The following CBLB variants were observed in gnomAD, a reference collection of about 807,000 sequenced individuals.
The protein encoded by CBLB is E3 ubiquitin-protein ligase CBL-B.
CBLB carries 31 observed loss-of-function variants against 104.9 expected under a neutral mutation model. The ratio of observed to expected loss-of-function variants is 0.30; its 90% confidence interval spans 0.22 to 0.40. The LOEUF is 0.40. Among genes scored for constraint, CBLB ranks in the 10% least tolerant of loss-of-function variants. CBLB has a pLI of 1.00. For synonymous variants in CBLB, 440 were observed against 422.6 expected (o/e 1.04, Z -0.51); for missense variants, 1,062 against 1,214.6 (o/e 0.87, Z 1.87).
At chr3:105,711,528 A>C (rs1488851210) in intron 10 of CBLB, among the ~76,000 whole-genome samples, 1 of 150,592 alleles carries the variant, frequency 6.6e-6, no homozygotes, top group East Asian at 1.9e-4. Context: ...TTCATATGGC[A>C]TTATAGCTTA....
chr3:105,711,219 T>C (rs771999118), intron 10 of CBLB, among the ~76,000 whole-genome samples: 12 of 151,988 alleles, frequency 7.9e-5, no homozygotes, highest in Admixed American at 2.0e-4. Flanking sequence ...TAACAAGATT[T>C]TTACTTAATG....
At chr3:105,741,361 TG>T (rs908073864) in intron 6 of CBLB, among the ~76,000 whole-genome samples, 6 of 151,518 alleles carry the variant, frequency 4.0e-5, no homozygotes, top group Non-Finnish European at 8.8e-5. Flanking sequence ...GCTAATTTTT[TG>T]TATTTTTGTT....
At chr3:105,786,062 G>GGGT (rs1553794643) in intron 3 of CBLB, among the ~76,000 whole-genome samples, 3 of 10,164 alleles carry the variant, frequency 3.0e-4, no homozygotes, top group African/African-American at 5.6e-4. Flanking sequence ...TGAGAGGATC[G>GGGT]GGGGGGGGAA....
chr3:105,720,353 C>T, intron 9 of CBLB, 103 bp from the exon 10 acceptor site: 2 of 1,095,256 alleles, frequency 1.8e-6, no homozygotes, highest in Non-Finnish European at 2.7e-6. Context: ...CCCAAAAAGA[C>T]TTTTTGGGGT....
intron 12 of CBLB, among the ~76,000 whole-genome samples, chr3:105,701,758 C>G (rs117126418): frequency 1.0e-5 from 1 of 96,998 alleles, no homozygotes; most frequent in African/African-American, 3.5e-5. Context: ...AGCGAGGCTT[C>G]GTCTCAAAAA....
intron 3 of CBLB, among the ~76,000 whole-genome samples, chr3:105,780,058 G>C (rs1421421037): frequency 6.6e-6 from 1 of 151,762 alleles, no homozygotes; most frequent in Non-Finnish European, 1.5e-5. Flanking sequence ...TCACCATACT[G>C]GTCAGGCTGG....
chr3:105,849,507 T>A (rs2153112436), intron 3 of CBLB, among the ~76,000 whole-genome samples: 1 of 152,242 alleles, frequency 6.6e-6, no homozygotes, highest in South Asian at 2.1e-4. Context: ...GCTATCAAAA[T>A]CTATGGGAAT....
intron 2 of CBLB, among the ~76,000 whole-genome samples, chr3:105,857,071 T>C (rs1207526388): frequency 2.6e-5 from 4 of 152,210 alleles, no homozygotes; most frequent in African/African-American, 9.6e-5. Context: ...ATACATTATT[T>C]TCTTCTAGTT....
At chr3:105,759,972 C>G (rs2077460721) in intron 4 of CBLB, among the ~76,000 whole-genome samples, 1 of 152,230 alleles carries the variant, frequency 6.6e-6, no homozygotes, top group Non-Finnish European at 1.5e-5. Flanking sequence ...GCCATCATTA[C>G]TTCTCTGTAT....
rs2079475829 is a variant in CBLB, at chr3:105,776,461, C to T, written c.501G>A (p.Gln167=). The T allele has an allele frequency of 6.2e-7, 1 of 1,613,738 alleles. No individual in the cohort carries two copies. The highest frequency in any genetic ancestry group is 8.5e-7 in the Non-Finnish European group (1 of 1,179,858). Residue 167 remains glutamine, a synonymous_variant, in exon 4 of 19, where the codon CAG becomes CAA. Coordinates refer to ENST00000394030, the MANE Select transcript of CBLB (RefSeq NM_170662.5). ...IKAIFPNGQF[Q]GDNFRITKAD... ...CTTTTGTGATACGAAAGTTATCTCC[C>T]TGGAATTGACCATTGGGAAAGATTG... is the stretch of plus-strand genomic sequence containing the variant.
At chr3:105,857,598 C>G (rs1311631441) in intron 2 of CBLB, among the ~76,000 whole-genome samples, 1 of 152,126 alleles carries the variant, frequency 6.6e-6, no homozygotes, top group Non-Finnish European at 1.5e-5. Flanking sequence ...GAATCTCGGG[C>G]TGATCTTTCT....
At chr3:105,813,889 T>G (rs1560363242) in intron 3 of CBLB, among the ~76,000 whole-genome samples, 1 of 152,154 alleles carries the variant, frequency 6.6e-6, no homozygotes, top group Non-Finnish European at 1.5e-5. Flanking sequence ...TTTCTCCTCT[T>G]CAACACTGGC....
At chr3:105,677,066 C>T (rs761888203) in intron 17 of CBLB, among the ~76,000 whole-genome samples, 41 of 152,136 alleles carry the variant, frequency 2.7e-4, no homozygotes, top group Non-Finnish European at 5.3e-4. Flanking sequence ...AGTGTGAAAA[C>T]GGACTCATAC....
At position 105,754,687 on chromosome 3, in the gene CBLB, AG is replaced by A. The variant is rs141643692; in HGVS notation, c.567-3070del. On this transcript the variant is annotated intron_variant, in intron 4 of 18. Coordinates refer to ENST00000394030, the MANE Select transcript of CBLB (RefSeq NM_170662.5). ...AATCGCTTTTAAAATACAGTGAACA[AG>A]TATAAGTAACTGTCAATCTACAAAG... Among the ~76,000 whole-genome samples, 781 of 152,336 alleles carry A rather than the reference AG, an allele frequency of 5.1e-3. 5 individuals are homozygous for A. Among genetic ancestry groups the A allele is most frequent in the African/African-American group, 0.018 (764 of 41,582 alleles).
At chr3:105,673,012 AAAC>A (rs2065229478) in intron 17 of CBLB, 1 of 152,006 alleles carries the variant, frequency 6.6e-6, no homozygotes, top group Non-Finnish European at 1.5e-5. Context: ...CTAAACAAAA[AAAC>A]AACAAAAAAA....
intron 6 of CBLB, among the ~76,000 whole-genome samples, chr3:105,745,680 T>A (rs2076034511): frequency 6.6e-6 from 1 of 152,236 alleles, no homozygotes; most frequent in African/African-American, 2.4e-5. Flanking sequence ...AACACGGATA[T>A]CATGAAAACA....
At chr3:105,836,272 C>A (rs925317898) in intron 3 of CBLB, among the ~76,000 whole-genome samples, 4 of 152,212 alleles carry the variant, frequency 2.6e-5, no homozygotes, top group African/African-American at 4.8e-5. Context: ...GCAGCCCCAT[C>A]CTCTCTTTCT....
Position 105,751,521 on chromosome 3 carries a change from A to T in CBLB, c.664T>A (p.Leu222Ile). ...EAMALKSTID[L>I]TCNDYISVFE... ...ACTGAAATGTAATCATTGCAAGTTA[A>T]ATCAATTGTTGATTTTAGAGCCATT... Residue 222 changes from leucine to isoleucine, a missense_variant, in exon 5 of 19, where the codon TTA (leucine) becomes ATA (isoleucine). Coordinates refer to ENST00000394030, the MANE Select transcript of CBLB (RefSeq NM_170662.5). 1 of 1,611,328 alleles carries T rather than the reference A, an allele frequency of 6.2e-7. No homozygotes were observed. The highest frequency in any genetic ancestry group is 8.5e-7 in the Non-Finnish European group (1 of 1,177,578).
At chr3:105,769,317 TAAAA>T (rs35906059) in intron 4 of CBLB, among the ~76,000 whole-genome samples, 1 of 146,124 alleles carries the variant, frequency 6.8e-6, no homozygotes, top group Non-Finnish European at 1.5e-5. Flanking sequence ...AAACTCCACC[TAAAA>T]AAAAAAAATT....
Sources: allele counts gnomAD v4.1 joint callset (sites outside exome capture counted in the v4.1 genomes callset), GRCh38; gene constraint gnomAD v4.1.1; transcripts MANE v1.5; gene names NCBI Gene and HGNC (gene_info 2026-07-23, HGNC 2026-07-21).